The following HPGD variants were observed in gnomAD, a reference collection of about 807,000 sequenced individuals.
HPGD encodes 15-hydroxyprostaglandin dehydrogenase [NAD(+)].
A neutral mutation model predicts 30.0 loss-of-function variants in HPGD; 29 were observed. The observed-to-expected ratio is 0.97, with a 90% CI of 0.72 to 1.32. HPGD has a LOEUF of 1.32. Ranked by LOEUF, HPGD falls within the 40% of genes most tolerant of loss-of-function variation. The pLI, the probability that HPGD is intolerant of heterozygous loss-of-function variation, is 0.00. For missense variants in HPGD, 340 were observed against 322.1 expected (o/e 1.06, Z -0.43); for synonymous variants, 99 against 112.4 (o/e 0.88, Z 0.75).
chr4:174,519,229 T>TTG (rs1735949592), intron 2 of HPGD, among the ~76,000 whole-genome samples: 1 of 151,904 alleles, frequency 6.6e-6, no homozygotes, highest in African/African-American at 2.4e-5. Flanking sequence ...TTTTTTTTTT[T>TTG]TTGAGTCGGA....
chr4:174,516,670 A>G (rs1008007155), intron 3 of HPGD, among the ~76,000 whole-genome samples: 8 of 152,188 alleles, frequency 5.3e-5, no homozygotes, highest in Admixed American at 2.0e-4. Flanking sequence ...AACAAAAATA[A>G]TTGAAAAATT....
upstream of HPGD, chr4:174,522,526 C>A (rs1165910155): frequency 1.6e-5 from 16 of 1,029,256 alleles, no homozygotes; most frequent in Admixed American, 3.6e-5. Flanking sequence ...TGCCCCCCTG[C>A]GCGCGCGCGC....
rs1402258630 is a variant in HPGD, at chr4:174,491,068, A to C, written c.*888T>G. 6.6e-6 allele frequency: 1 copy of C among 152,650 alleles called. No individual in the cohort carries two copies. The highest frequency in any genetic ancestry group is 6.5e-5 in the Admixed American group (1 of 15,272). 9.5% of individuals were successfully genotyped at this position (152,650 alleles called of 1,614,324 possible). A position where few individuals can be genotyped will look rare whatever the true frequency, so the allele number is the denominator to read the frequency against. On this transcript the variant is annotated 3_prime_UTR_variant, in exon 7 of 7. Transcript: ENST00000296522. ...GATAGCTATACATAGAAGACTAAGT[A>C]ATTTATGGAGATCAGAATAAAAAAG...
rs898215693 is a variant in HPGD, at chr4:174,494,786, A to G, written c.498+762T>C. Among the ~76,000 whole-genome samples the G allele has an allele frequency of 4.6e-5, 7 of 152,168 alleles. No homozygotes were observed. Among genetic ancestry groups the G allele is most frequent in the Admixed American group, 2.0e-4 (3 of 15,264 alleles). ...ACTTGTCTTTTGTAACACAATTTGC[A>G]AAAGCAGACAGAATGGTCTTCTTAA... On this transcript the variant is annotated intron_variant, in intron 5 of 6. Transcript: ENST00000296522. This position sits in a 1 kb window ranked among gnomAD's most constrained non-coding sequence, Gnocchi z 4.9.
chr4:174,495,459 G>A (rs759235839), intron 5 of HPGD, 89 bp downstream of exon 5: 48 of 998,756 alleles, frequency 4.8e-5, no homozygotes, highest in Non-Finnish European at 6.9e-5. Flanking sequence ...TCATCCAAGT[G>A]ATTTCTCAAG....
At chr4:174,497,578 T>C (rs1449895113) in intron 4 of HPGD, among the ~76,000 whole-genome samples, 136 of 109,350 alleles carry the variant, frequency 1.2e-3, no homozygotes, top group African/African-American at 2.0e-3. Context: ...CTTTTTTTTT[T>C]TTTTTTTTTT....
chr4:174,495,840 AAGTTACACAGAGATACAGCCAAG>A (rs1734571274), intron 4 of HPGD: 1 of 569,396 alleles, frequency 1.8e-6, no homozygotes, highest in Non-Finnish European at 3.2e-6. Flanking sequence ...TATAGTAGCT[AAGTTACACAGAGATACAGCCAAG>A]AGTTATATGT....
At chr4:174,498,394 G>T (rs1384591776) in intron 4 of HPGD, among the ~76,000 whole-genome samples, 1 of 151,886 alleles carries the variant, frequency 6.6e-6, no homozygotes, top group African/African-American at 2.4e-5. Flanking sequence ...TATACAGTTT[G>T]ATAAGTTTTG....
chr4:174,501,138 G>A (rs2612656), intron 4 of HPGD, among the ~76,000 whole-genome samples: 119,577 of 152,126 alleles, frequency 0.79, 47,196 homozygotes, highest in East Asian at 0.82. Flanking sequence ...CTCAATTGAA[G>A]TGTGTAAAAC....
intron 3 of HPGD, among the ~76,000 whole-genome samples, chr4:174,514,403 C>A (rs139139269): frequency 6.6e-6 from 1 of 152,166 alleles, no homozygotes; most frequent in African/African-American, 2.4e-5. Flanking sequence ...AAGAGGTACA[C>A]TGGAGAAAAA....
rs1734598608 is a variant in HPGD at position 174,496,406 on chromosome 4, T to TC, written c.422-783dup. ...TAGCATATACCTATAGCATCTCTTC[T>TC]CCCCCAACTCCAGCCTAGCTCAGCT... is the stretch of plus-strand genomic sequence containing the variant. On this transcript the variant is annotated intron_variant, in intron 4 of 6. Transcript: ENST00000296522. The surrounding 1 kb of genome is among the most constrained non-coding windows in gnomAD (Gnocchi z 4.6). Among the ~76,000 whole-genome samples the TC allele has an allele frequency of 6.6e-6, 1 of 152,108 alleles. No individual in the cohort carries two copies. The highest frequency in any genetic ancestry group is 1.5e-5 in the Non-Finnish European group (1 of 67,994).
At chr4:174,511,022 C>T (rs953482312) in intron 3 of HPGD, among the ~76,000 whole-genome samples, 1 of 152,106 alleles carries the variant, frequency 6.6e-6, no homozygotes, top group African/African-American at 2.4e-5. Context: ...GCTGGATATT[C>T]ACATAAACTA....
rs1025759389 is a variant in HPGD at position 174,493,476 on chromosome 4, T to C, written c.499-162A>G. On this transcript the variant is annotated intron_variant, in intron 5 of 6. Transcript: ENST00000296522. ...GGTAAATAGATAGTAAAATAACACATACATAAAGTATTGTATTAATTCCTG... is the reference window on the plus strand; with the variant it reads ...GGTAAATAGATAGTAAAATAACACACACATAAAGTATTGTATTAATTCCTG... The C allele has an allele frequency of 1.2e-5, 8 of 641,768 alleles. No individual in the cohort carries two copies. In the African/African-American group the frequency reaches 1.5e-4, roughly 12 times the overall value. 39.8% of individuals were successfully genotyped at this position (641,768 alleles called of 1,614,324 possible).
At chr4:174,511,590 A>G (rs1286844260) in intron 3 of HPGD, among the ~76,000 whole-genome samples, 1 of 152,228 alleles carries the variant, frequency 6.6e-6, no homozygotes. Flanking sequence ...CCCAATTGCC[A>G]GCATGAGTGT....
At chr4:174,510,368 G>C (rs1036072564) in intron 3 of HPGD, among the ~76,000 whole-genome samples, 3 of 152,176 alleles carry the variant, frequency 2.0e-5, no homozygotes, top group African/African-American at 7.2e-5. Context: ...AGAAGAAAAA[G>C]ATGTAGATGG....
At chr4:174,497,985 A>G (rs1340166817) in intron 4 of HPGD, among the ~76,000 whole-genome samples, 1 of 139,436 alleles carries the variant, frequency 7.2e-6, no homozygotes, top group East Asian at 2.1e-4. Context: ...GTCTAGCTCT[A>G]TTGCCCAGGC....
chr4:174,492,102 TAAAG>T lies in HPGD; in HGVS notation c.663-12_663-9del, dbSNP rs1445987097. 3.7e-6 allele frequency: 6 copies of T among 1,609,544 alleles called. No individual in the cohort carries two copies. Among genetic ancestry groups the T allele is most frequent in the Admixed American group, 1.7e-5 (1 of 59,964 alleles). On this transcript the variant is annotated splice_polypyrimidine_tract_variant and intron_variant, in intron 6 of 6. Coordinates refer to ENST00000296522, the MANE Select transcript of HPGD (RefSeq NM_000860.6). This position sits in a 1 kb window ranked among gnomAD's most constrained non-coding sequence, Gnocchi z 4.9. ...TTGGCAATCAATGGTGGGCTAAAAA[TAAAG>T]AAAACAGTATTTTGAAACGAAAGAA...
chr4:174,521,939 C>A lies in HPGD; in HGVS notation c.217+5G>T. Reference sequence around the variant, plus strand: ...CCAGTTGACAGATTGATTCCCCTGTCTTACCTCTCAGTTGTTGCTGGTCAG... The same window carrying A: ...CCAGTTGACAGATTGATTCCCCTGTATTACCTCTCAGTTGTTGCTGGTCAG... On this transcript the variant is annotated splice_donor_5th_base_variant and intron_variant, in intron 2 of 6. Coordinates refer to ENST00000296522, the MANE Select transcript of HPGD (RefSeq NM_000860.6). 1 of 1,614,114 alleles carries A rather than the reference C, an allele frequency of 6.2e-7. No individual in the cohort carries two copies. The highest frequency in any genetic ancestry group is 1.1e-5 in the South Asian group (1 of 91,076).
At chr4:174,515,956 C>T (rs1053228869) in intron 3 of HPGD, among the ~76,000 whole-genome samples, 3 of 152,036 alleles carry the variant, frequency 2.0e-5, no homozygotes, top group African/African-American at 7.2e-5. Context: ...ATCAGAATGG[C>T]TATCATTAAG....
Sources: allele counts gnomAD v4.1 joint callset (sites outside exome capture counted in the v4.1 genomes callset), GRCh38; gene constraint gnomAD v4.1.1; non-coding constraint Gnocchi (gnomAD v3.1); transcripts MANE v1.5; gene names NCBI Gene and HGNC (gene_info 2026-07-23, HGNC 2026-07-21).